Variants in TMEM65 observed in about 807,000 individuals in gnomAD.
TMEM65 encodes the protein transmembrane protein 65.
Under a neutral mutation model 25.4 loss-of-function variants are expected in TMEM65, and 22 were observed. The observed-to-expected ratio is 0.86, with a 90% CI of 0.62 to 1.23. TMEM65 has a LOEUF of 1.23. TMEM65 is among the 50% of genes most tolerant of loss of function. The pLI, the probability that TMEM65 is intolerant of heterozygous loss-of-function variation, is 0.00. For synonymous variants in TMEM65, 132 were observed against 126.2 expected (o/e 1.05, Z -0.31); for missense variants, 262 against 308.2 (o/e 0.85, Z 1.12).
rs1371725126 is a variant in TMEM65 at position 124,310,633 on chromosome 8, A to G, written c.*3327T>C. ...TAATGTGTGTAAATTACTAGTGCAT[A>G]AAGGACCAAATAAGTGTTTAATAAA... is the stretch of plus-strand genomic sequence containing the variant. On this transcript the variant is annotated 3_prime_UTR_variant, in exon 7 of 7. Coordinates refer to ENST00000297632, the MANE Select transcript of TMEM65 (RefSeq NM_194291.3). 1 of 152,174 alleles carries G rather than the reference A, an allele frequency of 6.6e-6. No individual in the cohort carries two copies. Among genetic ancestry groups the G allele is most frequent in the Admixed American group, 6.5e-5 (1 of 15,286 alleles). The allele number at this position is 152,174 out of a possible 1,614,324, so 9.4% of individuals were successfully genotyped here. A position where few individuals can be genotyped will look rare whatever the true frequency, so the allele number is the denominator to read the frequency against.
chr8:124,359,953 G>C (rs918739843), intron 1 of TMEM65, among the ~76,000 whole-genome samples: 4 of 152,052 alleles, frequency 2.6e-5, no homozygotes, highest in Admixed American at 2.6e-4. Flanking sequence ...GAGTCTAGGC[G>C]CAGAGAACGC....
intron 1 of TMEM65, among the ~76,000 whole-genome samples, chr8:124,342,411 T>C (rs1266912264): frequency 1.3e-5 from 2 of 152,100 alleles, no homozygotes; most frequent in Admixed American, 1.3e-4. Flanking sequence ...AGAACAAGAA[T>C]TAATTAAATA....
chr8:124,314,902 T>C (rs1814214985), intron 6 of TMEM65, among the ~76,000 whole-genome samples: 1 of 152,096 alleles, frequency 6.6e-6, no homozygotes, highest in Admixed American at 6.6e-5. Flanking sequence ...CTTGAACTCC[T>C]GGCTTCAAGA....
rs1347799629 is a variant in TMEM65, at chr8:124,311,262, C to T, written c.*2698G>A. 2.0e-5 allele frequency: 3 copies of T among 152,412 alleles called. No individual in the cohort carries two copies. Among genetic ancestry groups the T allele is most frequent in the Non-Finnish European group, 4.4e-5 (3 of 68,024 alleles). The allele number at this position is 152,412 out of a possible 1,614,324, so 9.4% of individuals were successfully genotyped here. A position where few individuals can be genotyped will look rare whatever the true frequency, so the allele number is the denominator to read the frequency against. ...TGGTAAATTGTTCCATTCACTATCT[C>T]AGTGACATTGCTGCCACCTTGTAAC... On this transcript the variant is annotated 3_prime_UTR_variant, in exon 7 of 7. Transcript: ENST00000297632.
At chr8:124,329,497 C>T (rs998597980) in intron 2 of TMEM65, among the ~76,000 whole-genome samples, 1 of 151,806 alleles carries the variant, frequency 6.6e-6, no homozygotes, top group African/African-American at 2.4e-5. Context: ...GTGATAAGCC[C>T]ATTAAGTTAA....
intron 1 of TMEM65, among the ~76,000 whole-genome samples, chr8:124,347,063 C>T (rs562437744): frequency 1.3e-5 from 2 of 152,134 alleles, no homozygotes; most frequent in South Asian, 2.1e-4. Context: ...AGCAACACAG[C>T]AGTGTTTTTT....
chr8:124,343,640 G>C (rs1213609877), intron 1 of TMEM65, among the ~76,000 whole-genome samples: 3 of 152,044 alleles, frequency 2.0e-5, no homozygotes, highest in Non-Finnish European at 4.4e-5. Flanking sequence ...CTCAAGGTAA[G>C]GCTGACCAGG....
intron 4 of TMEM65, among the ~76,000 whole-genome samples, 197 bp from the exon 5 acceptor site, chr8:124,322,344 T>G (rs1242692530): frequency 1.1e-4 from 17 of 152,180 alleles, no homozygotes. Context: ...CTATTCTACC[T>G]CCATTAAGTA....
chr8:124,322,808 C>T (rs370997671), intron 4 of TMEM65, among the ~76,000 whole-genome samples: 49 of 152,080 alleles, frequency 3.2e-4, no homozygotes, highest in South Asian at 2.7e-3. Flanking sequence ...CCATCCTGGC[C>T]AACATGGTGA....
At chr8:124,362,738 T>G (rs1814885840) in intron 1 of TMEM65, among the ~76,000 whole-genome samples, 1 of 151,962 alleles carries the variant, frequency 6.6e-6, no homozygotes, top group South Asian at 2.1e-4. Context: ...AAGCTTTTAA[T>G]AAAATTAGCT....
chr8:124,365,960 C>T (rs879576140), intron 1 of TMEM65, among the ~76,000 whole-genome samples: 11 of 152,188 alleles, frequency 7.2e-5, no homozygotes, highest in Non-Finnish European at 1.5e-4. Context: ...GAGGTTCACG[C>T]CTGTAATCTC....
intron 1 of TMEM65, among the ~76,000 whole-genome samples, chr8:124,339,820 T>C (rs1033053226): frequency 3.3e-5 from 5 of 151,748 alleles, no homozygotes; most frequent in African/African-American, 9.7e-5. Flanking sequence ...TGGCTAACTT[T>C]ATAGAGAAAA....
chr8:124,372,201 G>A lies in TMEM65; in HGVS notation c.-44C>T, dbSNP rs768182118. The A allele has an allele frequency of 6.3e-6, 8 of 1,263,374 alleles. No homozygotes were observed. The highest frequency in any genetic ancestry group is 8.0e-6 in the Non-Finnish European group (8 of 998,754). The allele number at this position is 1,263,374 out of a possible 1,614,324, so 78.3% of individuals were successfully genotyped here. On this transcript the variant is annotated 5_prime_UTR_variant, in exon 1 of 7. Coordinates refer to ENST00000297632, the MANE Select transcript of TMEM65 (RefSeq NM_194291.3). ...GACCCCCGCGGCCGTCCGGCAAGGC[G>A]GTTTCTGGCGCGGCTGAGGCGAGAA...
At chr8:124,363,859 A>AAAC (rs1814905208) in intron 1 of TMEM65, among the ~76,000 whole-genome samples, 1 of 149,884 alleles carries the variant, frequency 6.7e-6, no homozygotes, top group African/African-American at 2.5e-5. Flanking sequence ...AAAAAAAAAA[A>AAAC]AAAAAAAACA....
chr8:124,357,891 A>G (rs1049404141), intron 1 of TMEM65, among the ~76,000 whole-genome samples: 3 of 131,342 alleles, frequency 2.3e-5, no homozygotes, highest in African/African-American at 8.8e-5. Context: ...GTGCAATGGC[A>G]TGATCTCAGC....
At chr8:124,332,447 G>A (rs1439218422) in intron 1 of TMEM65, among the ~76,000 whole-genome samples, 3 of 152,004 alleles carry the variant, frequency 2.0e-5, no homozygotes, top group African/African-American at 7.3e-5. Flanking sequence ...AACTCATTGA[G>A]TAAAACATTA....
At position 124,318,197 on chromosome 8, in the gene TMEM65, T is replaced by G. The variant is rs147884542; in HGVS notation, c.621+1889A>C. 4.3e-3 allele frequency among the ~76,000 whole-genome samples: 656 copies of G among 151,910 alleles called. 3 individuals carry two copies. Among genetic ancestry groups the G allele is most frequent in the African/African-American group, 0.015 (618 of 41,428 alleles). The stretch of plus-strand genomic sequence containing the variant: ...AAATTAATTTTGCCAAAGACCTGGG[T>G]GAGCCTGGAAGTGGATTCATCACCA... On this transcript the variant is annotated intron_variant, in intron 6 of 6. Transcript: ENST00000297632.
intron 2 of TMEM65, among the ~76,000 whole-genome samples, chr8:124,330,357 C>T (rs1039282393): frequency 1.3e-5 from 2 of 151,916 alleles, no homozygotes; most frequent in East Asian, 1.9e-4. Context: ...AACAGCCAGC[C>T]GGAAACATTT....
chr8:124,320,314 C>T (rs781232159), intron 5 of TMEM65, 123 bp from the exon 6 acceptor site: 22 of 572,282 alleles, frequency 3.8e-5, no homozygotes, highest in Non-Finnish European at 6.2e-5. Flanking sequence ...ATGCAAATGT[C>T]CTCATATAGT....
Sources: gnomAD v4.1 joint callset for allele counts (sites outside exome capture counted in the v4.1 genomes callset) on GRCh38, gnomAD v4.1.1 for gene constraint, MANE v1.5 for transcripts, NCBI Gene and HGNC (gene_info 2026-07-23, HGNC 2026-07-21) for gene names.